Variants in ERC2 observed in about 807,000 individuals in gnomAD.
ERC2 encodes the protein ERC protein 2.
A neutral mutation model predicts 114.8 loss-of-function variants in ERC2; 42 were observed. That is an observed-to-expected ratio of 0.37 (90% CI 0.29 to 0.47). ERC2 has a LOEUF of 0.47. Among genes scored for constraint, ERC2 ranks in the 20% least tolerant of loss-of-function variants. The pLI is 0.99. For missense variants in ERC2, 939 were observed against 1,150.7 expected, an observed-to-expected ratio of 0.82 and a Z score of 2.66; for synonymous variants, 454 against 425.5, an observed-to-expected ratio of 1.07 and a Z score of -0.82.
At chr3:55,552,366 C>T (rs1185112792) in intron 17 of ERC2, among the ~76,000 whole-genome samples, 1 of 152,162 alleles carries the variant, frequency 6.6e-6, no homozygotes, top group Non-Finnish European at 1.5e-5. Context: ...TCATGTTGCA[C>T]CCGCCTGCTC....
intron 6 of ERC2, among the ~76,000 whole-genome samples, chr3:56,109,342 AG>A (rs1423321439): frequency 6.6e-6 from 1 of 152,192 alleles, no homozygotes. Context: ...GTTCCACAAA[AG>A]ACATAATCTC....
At chr3:56,264,704 G>C (rs1385463372) in intron 3 of ERC2, among the ~76,000 whole-genome samples, 1 of 150,714 alleles carries the variant, frequency 6.6e-6, no homozygotes, top group Non-Finnish European at 1.5e-5. Flanking sequence ...CATGTAGAAA[G>C]CCCTATAAAG....
intron 17 of ERC2, among the ~76,000 whole-genome samples, chr3:55,530,659 C>T (rs2053607562): frequency 6.6e-6 from 1 of 152,174 alleles, no homozygotes; most frequent in South Asian, 2.1e-4. Context: ...TTATTGGCAT[C>T]AAAAGCCATA....
At chr3:56,288,811 T>G (rs1313110292) in intron 3 of ERC2, among the ~76,000 whole-genome samples, 1 of 152,160 alleles carries the variant, frequency 6.6e-6, no homozygotes, top group African/African-American at 2.4e-5. Context: ...CATCAGTCAA[T>G]GAAAATTCCA....
At chr3:55,612,959 T>A (rs767096000) in intron 17 of ERC2, 1 of 152,226 alleles carries the variant, frequency 6.6e-6, no homozygotes, top group Non-Finnish European at 1.5e-5. Flanking sequence ...ACTAAAAAAA[T>A]TATTTGTTGC....
At chr3:56,145,221 C>A (rs953574821) in intron 5 of ERC2, among the ~76,000 whole-genome samples, 1 of 152,072 alleles carries the variant, frequency 6.6e-6, no homozygotes, top group African/African-American at 2.4e-5. Context: ...TGTAATCTAT[C>A]AGAGGTTTAT....
chr3:56,001,118 A>G (rs557827087), intron 10 of ERC2, among the ~76,000 whole-genome samples: 31 of 151,820 alleles, frequency 2.0e-4, no homozygotes, highest in Non-Finnish European at 4.1e-4. Flanking sequence ...GAGAGAAGGA[A>G]AGGAGGAATA....
chr3:56,187,782 A>C (rs1173160204), intron 3 of ERC2, among the ~76,000 whole-genome samples: 1 of 152,170 alleles, frequency 6.6e-6, no homozygotes, highest in Non-Finnish European at 1.5e-5. Context: ...TGGGGGAGGG[A>C]ATTATAGGAT....
intron 2 of ERC2, among the ~76,000 whole-genome samples, chr3:56,327,870 A>T (rs1182131209): frequency 6.6e-6 from 1 of 152,216 alleles, no homozygotes; most frequent in Non-Finnish European, 1.5e-5. Context: ...AGAGCCAAAC[A>T]TTAGTAAGGA....
intron 1 of ERC2, among the ~76,000 whole-genome samples, chr3:56,453,383 A>G (rs2062913074): frequency 6.6e-6 from 1 of 152,234 alleles, no homozygotes; most frequent in African/African-American, 2.4e-5. Flanking sequence ...AGAATCACAG[A>G]CAACCCCTGA....
At chr3:56,202,885 C>T (rs1478245176) in intron 3 of ERC2, among the ~76,000 whole-genome samples, 10 of 152,040 alleles carry the variant, frequency 6.6e-5, no homozygotes, top group Admixed American at 6.6e-4. Context: ...AGTGTTCTAA[C>T]CACAAAAAAA....
At chr3:55,752,369 A>G (rs2066758920) in intron 14 of ERC2, among the ~76,000 whole-genome samples, 1 of 152,244 alleles carries the variant, frequency 6.6e-6, no homozygotes, top group African/African-American at 2.4e-5. Flanking sequence ...GACAAGGGTC[A>G]GCCTGTACCT....
chr3:55,757,773 A>G (rs2067153405), intron 14 of ERC2, among the ~76,000 whole-genome samples: 1 of 152,146 alleles, frequency 6.6e-6, no homozygotes, highest in Admixed American at 6.5e-5. Flanking sequence ...CACTTACATA[A>G]ACATAAATTA....
chr3:56,197,584 C>T (rs374789435), intron 3 of ERC2, among the ~76,000 whole-genome samples: 13 of 152,306 alleles, frequency 8.5e-5, no homozygotes, highest in African/African-American at 3.1e-4. Context: ...GTACAACACA[C>T]ATTTAATAGA....
chr3:55,983,406 G>C (rs2070321474), intron 12 of ERC2, among the ~76,000 whole-genome samples: 1 of 152,160 alleles, frequency 6.6e-6, no homozygotes. Context: ...CAGAGATCCT[G>C]ACAAACCTCT....
chr3:55,949,349 G>A (rs1024225506), intron 13 of ERC2, among the ~76,000 whole-genome samples: 1 of 151,790 alleles, frequency 6.6e-6, no homozygotes, highest in African/African-American at 2.4e-5. Flanking sequence ...CAGTCTGGGC[G>A]ACAGGGGGAG....
intron 3 of ERC2, among the ~76,000 whole-genome samples, chr3:56,272,914 C>G (rs911690559): frequency 5.3e-5 from 8 of 152,170 alleles, no homozygotes; most frequent in African/African-American, 1.9e-4. Flanking sequence ...TAAGCAAAGT[C>G]CTGAAGAACA....
Position 56,049,163 on chromosome 3 carries a change from T to C in ERC2, c.1642-30132A>G, listed in dbSNP as rs1013885787. Among the ~76,000 whole-genome samples the C allele has an allele frequency of 2.0e-5, 3 of 152,136 alleles. No individual in the cohort carries two copies. The South Asian group carries it at 6.2e-4, about 32-fold the overall frequency. On this transcript the variant is annotated intron_variant, in intron 7 of 17. Transcript: ENST00000288221. ...TGAAAGCAGTAGGTGGCTTTAGCAT[T>C]TTGAGCATAGAGATAGCATGACTCG...
At chr3:56,348,504 A>T (rs939984685) in intron 2 of ERC2, among the ~76,000 whole-genome samples, 1 of 141,880 alleles carries the variant, frequency 7.0e-6, no homozygotes, top group East Asian at 2.0e-4. Context: ...AATATATATA[A>T]ATTAATTTTA....
Sources: allele counts gnomAD v4.1 joint callset (sites outside exome capture counted in the v4.1 genomes callset), GRCh38; gene constraint gnomAD v4.1.1; transcripts MANE v1.5; gene names NCBI Gene and HGNC (gene_info 2026-07-23, HGNC 2026-07-21).